Variants in CCDC51 observed in about 807,000 individuals in gnomAD.
CCDC51 encodes the protein mitochondrial potassium channel.
In CCDC51, 25 loss-of-function variants were observed where a neutral mutation model predicts 24.8. The ratio of observed to expected loss-of-function variants is 1.01; its 90% CI spans 0.73 to 1.41. CCDC51 has a LOEUF of 1.41. CCDC51 is among the 40% of genes most tolerant of loss of function. The pLI is 0.00. For synonymous variants in CCDC51, 190 were observed against 204.3 expected (o/e 0.93, Z 0.60); for missense variants, 466 against 519.1 (o/e 0.90, Z 0.99).
rs751441878 is a variant in CCDC51 at position 48,433,208 on chromosome 3, G to C, written c.478-42C>G. The C allele has an allele frequency of 6.3e-7, 1 of 1,584,592 alleles. No individual in the cohort carries two copies. The highest frequency in any genetic ancestry group is 1.3e-5 in the African/African-American group (1 of 74,584). ...ATGTTATTGGATTACATGGGCACAA[G>C]GTGGCCCTGCAGCTATAGCCACCAG... On this transcript the variant is annotated intron_variant, in intron 3 of 3. Transcript: ENST00000395694. This position sits in a 1 kb window ranked among gnomAD's most constrained non-coding sequence, Gnocchi z 4.4.
At chr3:48,439,838 T>C (rs1255262752) in intron 1 of CCDC51, 150 bp downstream of exon 1, 1 of 199,528 alleles carries the variant, frequency 5.0e-6, no homozygotes, top group Non-Finnish European at 1.0e-5. Context: ...CTTACAGGGT[T>C]TTCCAAAGCT....
chr3:48,440,660 C>G, upstream of CCDC51: 2 of 1,592,194 alleles, frequency 1.3e-6, no homozygotes, highest in South Asian at 1.1e-5. Flanking sequence ...CTCAAGCTGG[C>G]CAAACGCTAT....
At chr3:48,443,722 C>T (rs1405090179), upstream of CCDC51, 4 of 618,126 alleles carry the variant, frequency 6.5e-6, no homozygotes, top group South Asian at 2.8e-5. Context: ...AAGCTGCTAT[C>T]CATGCTTGTG....
chr3:48,436,343 T>C (rs2039351542), intron 1 of CCDC51, among the ~76,000 whole-genome samples: 2 of 152,174 alleles, frequency 1.3e-5, no homozygotes. Context: ...TAGCCTCCTC[T>C]CCATCATGCT....
In CCDC51 at chr3:48,432,749, G is replaced by A. The variant is rs375315474; in HGVS notation, c.895C>T (p.Leu299Phe). 7.9e-5 allele frequency: 128 copies of A among 1,614,200 alleles called. No individual in the cohort carries two copies. In the African/African-American group the frequency reaches 1.4e-3, roughly 17 times the overall value. ...PPTRDRDVDV[L>F]SAALKEQLSH... ...AGCTGCTCTTTCAAGGCAGCTGAAA[G>A]GACATCTACATCTCTGTCTCTGGTC... Residue 299 changes from leucine (L) to phenylalanine (F), a missense_variant, in exon 4 of 4, where the codon CTT becomes TTT. Physicochemically the swap from Leu to Phe is conservative, Grantham distance 22. Transcript: ENST00000395694.
At position 48,435,273 on chromosome 3, in the gene CCDC51, C is replaced by A. The variant is rs2107133467; in HGVS notation, c.-8-137G>T. The A allele has an allele frequency of 1.4e-6, 1 of 714,432 alleles. No individual in the cohort carries two copies. The highest frequency in any genetic ancestry group is 2.8e-5 in the East Asian group (1 of 35,224). 44.3% of individuals were successfully genotyped at this position (714,432 alleles called of 1,614,324 possible). On this transcript the variant is annotated intron_variant, in intron 1 of 3. Transcript: ENST00000395694. The surrounding 1 kb of genome is among the most constrained non-coding windows in gnomAD (Gnocchi z 4.2). ...AAACTGAGCACCACCCTGTTGGGCC[C>A]AGAGACTGTGGCCCCTGTGGCAAGA...
upstream of CCDC51, among the ~76,000 whole-genome samples, chr3:48,444,501 G>C (rs1300770346): frequency 1.3e-5 from 2 of 152,308 alleles, no homozygotes; most frequent in East Asian, 3.9e-4. Flanking sequence ...TCAAACTCCT[G>C]ACCTCAAGTG....
upstream of CCDC51, chr3:48,440,321 T>C (rs1436874476): frequency 1.2e-6 from 2 of 1,611,378 alleles, no homozygotes; most frequent in Non-Finnish European, 1.7e-6. Context: ...AGGTAAGTGT[T>C]CCGGAACCGT....
rs766983169 is a variant in CCDC51, at chr3:48,432,788, C to A, written c.856G>T (p.Ala286Ser). The A allele has an allele frequency of 1.9e-5, 31 of 1,614,068 alleles. No individual in the cohort carries two copies. In the Middle Eastern group the frequency reaches 1.3e-3, roughly 68 times the overall value. ...CTGTCTCTGGTCGGGGGACTACCTG[C>A]CTGTGACCCAGAGTCCTGCCCTGGC... is the stretch of plus-strand genomic sequence containing the variant. ...AGPGQDSGSQ[A>S]GSPPTRDRDV... is the part of the protein sequence containing the mutation. The change falls in exon 4 of 4, where the codon GCA becomes TCA. Residue 286 changes from alanine to serine, a missense_variant. By Grantham distance (99) the Ala-to-Ser change is moderately conservative. Transcript: ENST00000395694.
At position 48,440,084 on chromosome 3, in the gene CCDC51, A is replaced by G; in HGVS notation, c.-105T>C. ...GATTCTACCCTGGCAGGACAACCCT[A>G]GCTCCTCGTACCTGGCGTGGCCCGA... On this transcript the variant is annotated 5_prime_UTR_variant, in exon 1 of 4. Coordinates refer to ENST00000395694, the MANE Select transcript of CCDC51 (RefSeq NM_001256964.2). The G allele has an allele frequency of 1.3e-6, 1 of 759,014 alleles. No homozygotes were observed. Among genetic ancestry groups the G allele is most frequent in the East Asian group, 2.7e-5 (1 of 36,376 alleles). The allele number at this position is 759,014 out of a possible 1,614,324, so 47.0% of individuals were successfully genotyped here. A position where few individuals can be genotyped will look rare whatever the true frequency, so the allele number is the denominator to read the frequency against.
rs1276234713 is a variant in CCDC51 at position 48,440,068 on chromosome 3, C to G, written c.-89G>C. The G allele has an allele frequency of 1.4e-6, 1 of 691,754 alleles. No homozygotes were observed. Among genetic ancestry groups the G allele is most frequent in the African/African-American group, 1.8e-5 (1 of 55,496 alleles). 42.9% of individuals were successfully genotyped at this position (691,754 alleles called of 1,614,324 possible). A position where few individuals can be genotyped will look rare whatever the true frequency, so the allele number is the denominator to read the frequency against. On this transcript the variant is annotated 5_prime_UTR_variant, in exon 1 of 4. Coordinates refer to ENST00000395694, the MANE Select transcript of CCDC51 (RefSeq NM_001256964.2). Reference sequence around the variant, plus strand: ...CCCCTCCTACGGTTCCGATTCTACCCTGGCAGGACAACCCTAGCTCCTCGT... The same window carrying G: ...CCCCTCCTACGGTTCCGATTCTACCGTGGCAGGACAACCCTAGCTCCTCGT...
chr3:48,440,121 C>A, upstream of CCDC51: 1 of 1,044,954 alleles, frequency 9.6e-7, no homozygotes, highest in Non-Finnish European at 1.3e-6. Context: ...CAATCGTCTG[C>A]CACTCAGTTG....
intron 1 of CCDC51, among the ~76,000 whole-genome samples, chr3:48,436,461 G>C (rs1338314584): frequency 6.6e-6 from 1 of 152,186 alleles, no homozygotes; most frequent in African/African-American, 2.4e-5. Flanking sequence ...CCGCAGAAGG[G>C]AACTTCACTG....
chr3:48,434,843 G>C lies in CCDC51; in HGVS notation c.286C>G (p.Arg96Gly), dbSNP rs775436647. 2 of 1,608,178 alleles carry C rather than the reference G, an allele frequency of 1.2e-6. No homozygotes were observed. The highest frequency in any genetic ancestry group is 1.7e-6 in the Non-Finnish European group (2 of 1,175,806). ...TCTGTCACCTTTCCCTGGGCCTCTCGAACCTCGTTGAGTCCAACAAACTCT... is the reference window on the plus strand; with the variant it reads ...TCTGTCACCTTTCCCTGGGCCTCTCCAACCTCGTTGAGTCCAACAAACTCT... ...YEEFVGLNEV[R>G]EAQGKVTEAE... Residue 96 changes from arginine (R) to glycine (G), a missense_variant, in exon 2 of 4, where the codon CGA becomes GGA. Physicochemically the swap from Arg to Gly is moderately radical, Grantham distance 125. Coordinates refer to ENST00000395694, the MANE Select transcript of CCDC51 (RefSeq NM_001256964.2).
At position 48,435,030 on chromosome 3, in the gene CCDC51, G is replaced by C; in HGVS notation, c.99C>G (p.Thr33=). ...TTGGGCCTGGGCTGCAGAGAGTCCT[G>C]GTCATGAAGAGGTCCCTTCCAAGGA... The part of the protein sequence containing the change: ...RGLLGRDLFM[T]RTLCSPGPSQ... The change falls in exon 2 of 4, where the codon ACC becomes ACG. Residue 33 remains threonine (T), a synonymous_variant. Transcript: ENST00000395694. This position sits in a 1 kb window ranked among gnomAD's most constrained non-coding sequence, Gnocchi z 4.2. 6.2e-7 allele frequency: 1 copy of C among 1,614,182 alleles called. No homozygotes were observed. The highest frequency in any genetic ancestry group is 8.5e-7 in the Non-Finnish European group (1 of 1,180,010).
upstream of CCDC51, chr3:48,440,139 A>T: frequency 1.6e-6 from 2 of 1,236,120 alleles, no homozygotes; most frequent in Non-Finnish European, 2.2e-6. Flanking sequence ...TTGACCTCTG[A>T]CCTGTTAGTA....
chr3:48,441,922 C>T (rs1224636720), upstream of CCDC51, among the ~76,000 whole-genome samples: 1 of 152,154 alleles, frequency 6.6e-6, no homozygotes, highest in African/African-American at 2.4e-5. Flanking sequence ...ATTTCTAGCT[C>T]TTGAGATTCC....
Position 48,440,099 on chromosome 3 carries a change from G to A in CCDC51, c.-120C>T. Reference sequence around the variant, plus strand: ...GGACAACCCTAGCTCCTCGTACCTGGCGTGGCCCGACCAATCGTCTGCCAC... The same window carrying A: ...GGACAACCCTAGCTCCTCGTACCTGACGTGGCCCGACCAATCGTCTGCCAC... On this transcript the variant is annotated 5_prime_UTR_variant, in exon 1 of 4. Transcript: ENST00000395694. The A allele has an allele frequency of 1.2e-6, 1 of 846,816 alleles. No homozygotes were observed. The highest frequency in any genetic ancestry group is 1.8e-6 in the Non-Finnish European group (1 of 564,012). 52.5% of individuals were successfully genotyped at this position (846,816 alleles called of 1,614,324 possible). A position where few individuals can be genotyped will look rare whatever the true frequency, so the allele number is the denominator to read the frequency against.
Position 48,433,231 on chromosome 3 carries a change from C to T in CCDC51, c.478-65G>A, listed in dbSNP as rs2039244445. On this transcript the variant is annotated intron_variant, in intron 3 of 3. Coordinates refer to ENST00000395694, the MANE Select transcript of CCDC51 (RefSeq NM_001256964.2). The surrounding 1 kb of genome is among the most constrained non-coding windows in gnomAD (Gnocchi z 4.4). Reference sequence around the variant, plus strand: ...AAGGTGGCCCTGCAGCTATAGCCACCAGCAGATGGCTCACTACCTTGTGCC... The same window carrying T: ...AAGGTGGCCCTGCAGCTATAGCCACTAGCAGATGGCTCACTACCTTGTGCC... The T allele has an allele frequency of 2.7e-6, 4 of 1,473,308 alleles. No homozygotes were observed. The highest frequency in any genetic ancestry group is 3.7e-6 in the Non-Finnish European group (4 of 1,075,198). The allele number at this position is 1,473,308 out of a possible 1,614,324, so 91.3% of individuals were successfully genotyped here.
Sources: allele counts gnomAD v4.1 joint callset (sites outside exome capture counted in the v4.1 genomes callset), GRCh38; gene constraint gnomAD v4.1.1; non-coding constraint Gnocchi (gnomAD v3.1); transcripts MANE v1.5; gene names NCBI Gene and HGNC (gene_info 2026-07-23, HGNC 2026-07-21).